The following NKAIN2 variants were observed in gnomAD, a reference collection of about 807,000 sequenced individuals.
NKAIN2 encodes sodium/potassium-transporting ATPase subunit beta-1-interacting protein 2.
Under a neutral mutation model 32.6 loss-of-function variants are expected in NKAIN2, and 14 were observed. That is an observed-to-expected ratio of 0.43 (90% CI 0.28 to 0.67). The LOEUF (loss-of-function observed/expected upper bound fraction) is 0.67. NKAIN2 is among the 30% of genes least tolerant of loss of function. The pLI, the probability that NKAIN2 is intolerant of heterozygous loss-of-function variation, is 0.17. For synonymous variants in NKAIN2, 80 were observed against 87.2 expected, an observed-to-expected ratio of 0.92 and a Z score of 0.46; for missense variants, 198 against 258.3, an observed-to-expected ratio of 0.77 and a Z score of 1.60.
rs1023668726 is a variant in NKAIN2, at chr6:124,407,258, A to G, written c.273+51911A>G. On this transcript the variant is annotated intron_variant, in intron 3 of 6. Transcript: ENST00000368417. ...TGTGCACAACATGCAGGTTTGTTAC[A>G]TATGTATACATGTGCCATGTTGGTG... Among the ~76,000 whole-genome samples, 3 of 152,098 alleles carry G rather than the reference A, an allele frequency of 2.0e-5. No individual in the cohort carries two copies. The South Asian group carries it at 6.2e-4, about 32-fold the overall frequency.
intron 1 of NKAIN2, among the ~76,000 whole-genome samples, chr6:124,076,348 G>C (rs1007888498): frequency 6.6e-6 from 1 of 152,202 alleles, no homozygotes; most frequent in African/African-American, 2.4e-5. Flanking sequence ...CTTGGCTTGA[G>C]AGAAACGGAA....
intron 1 of NKAIN2, among the ~76,000 whole-genome samples, chr6:124,142,310 A>T (rs772516256): frequency 2.0e-5 from 3 of 152,154 alleles, no homozygotes; most frequent in Non-Finnish European, 4.4e-5. Flanking sequence ...TCGACTCCAC[A>T]TTTTTGTTTT....
chr6:124,618,933 G>A (rs1783008157), intron 3 of NKAIN2, among the ~76,000 whole-genome samples: 1 of 151,758 alleles, frequency 6.6e-6, no homozygotes, highest in Non-Finnish European at 1.5e-5. Context: ...TCCTCTTCTG[G>A]GCCAGGTGTT....
chr6:123,875,623 A>C (rs1166846491), intron 1 of NKAIN2, among the ~76,000 whole-genome samples: 1 of 151,980 alleles, frequency 6.6e-6, no homozygotes, highest in Non-Finnish European at 1.5e-5. Flanking sequence ...CGTTATTGAT[A>C]TAGAGAGGTT....
rs190714923 is a variant in NKAIN2 at position 124,581,673 on chromosome 6, T to A, written c.274-76513T>A. ...TATCAGCTAACTTCTCTGACTACAG[T>A]AGAATAAAACTAGAAATCAACAACA... On this transcript the variant is annotated intron_variant, in intron 3 of 6. Transcript: ENST00000368417. Among the ~76,000 whole-genome samples, 245 of 152,156 alleles carry A rather than the reference T, an allele frequency of 1.6e-3. 1 individual carries two copies. The highest frequency in any genetic ancestry group is 2.9e-3 in the Non-Finnish European group (195 of 67,998).
At chr6:124,760,681 G>A (rs537859897) in intron 4 of NKAIN2, among the ~76,000 whole-genome samples, 8 of 152,006 alleles carry the variant, frequency 5.3e-5, no homozygotes, top group Admixed American at 4.6e-4. Flanking sequence ...GGTAAAGAAT[G>A]ATGTCTTAAA....
At chr6:124,634,362 C>A (rs1212747851) in intron 3 of NKAIN2, among the ~76,000 whole-genome samples, 1 of 152,004 alleles carries the variant, frequency 6.6e-6, no homozygotes, top group Non-Finnish European at 1.5e-5. Flanking sequence ...ATTAGGCAAG[C>A]AATTCATGAT....
rs1363036634 is a variant in NKAIN2 at position 124,121,962 on chromosome 6, T to A, written c.55-161043T>A. 6 of 1,008,192 alleles carry A rather than the reference T, an allele frequency of 6.0e-6. No individual in the cohort carries two copies. The Admixed American group carries it at 1.4e-4, about 24-fold the overall frequency. 62.5% of individuals were successfully genotyped at this position (1,008,192 alleles called of 1,614,324 possible). On this transcript the variant is annotated intron_variant, in intron 1 of 6. Coordinates refer to ENST00000368417, the MANE Select transcript of NKAIN2 (RefSeq NM_001040214.3). ...TAACCGTGAGTTTTTCAGAGTAATA[T>A]TTTTCCATTTGTGTCTACAGGGTAA...
intron 1 of NKAIN2, among the ~76,000 whole-genome samples, chr6:123,968,976 C>T (rs9372767): frequency 0.022 from 3,328 of 152,232 alleles, 78 homozygotes; most frequent in East Asian, 0.13. Flanking sequence ...TCCATTTCTA[C>T]TCTTCTGTAG....
intron 3 of NKAIN2, among the ~76,000 whole-genome samples, chr6:124,462,449 A>G (rs1776570329): frequency 6.6e-6 from 1 of 151,908 alleles, no homozygotes; most frequent in Non-Finnish European, 1.5e-5. Flanking sequence ...TTTTTCAAAT[A>G]CAAACCTCAC....
chr6:123,816,795 A>G (rs1266217725), intron 1 of NKAIN2, among the ~76,000 whole-genome samples: 1 of 152,184 alleles, frequency 6.6e-6, no homozygotes, highest in Non-Finnish European at 1.5e-5. Context: ...GTAAGAGACA[A>G]GAACAGAAGT....
At chr6:124,774,300 C>G (rs189644795) in intron 4 of NKAIN2, among the ~76,000 whole-genome samples, 10 of 152,138 alleles carry the variant, frequency 6.6e-5, no homozygotes, top group African/African-American at 2.4e-4. Context: ...GCAAATCTTA[C>G]AGTATTTTCT....
At chr6:123,911,040 G>A (rs777010943) in intron 1 of NKAIN2, among the ~76,000 whole-genome samples, 3 of 151,966 alleles carry the variant, frequency 2.0e-5, no homozygotes, top group Non-Finnish European at 4.4e-5. Context: ...ATATTCACCT[G>A]AAATGTTGAT....
At chr6:124,637,616 C>G (rs1783822950) in intron 3 of NKAIN2, among the ~76,000 whole-genome samples, 1 of 151,642 alleles carries the variant, frequency 6.6e-6, no homozygotes, top group South Asian at 2.1e-4. Flanking sequence ...TGTTTCTAAA[C>G]AACAAGAACA....
chr6:124,225,167 C>A (rs1792039991), intron 1 of NKAIN2, among the ~76,000 whole-genome samples: 1 of 151,968 alleles, frequency 6.6e-6, no homozygotes, highest in African/African-American at 2.4e-5. Context: ...AAAAATGTTT[C>A]TGTTTCTATG....
chr6:124,646,821 C>T (rs1784186917), intron 3 of NKAIN2, among the ~76,000 whole-genome samples: 1 of 152,106 alleles, frequency 6.6e-6, no homozygotes, highest in East Asian at 1.9e-4. Context: ...TGTGGTGGTG[C>T]ATGCCTGTAA....
chr6:124,459,226 T>C (rs1017742256), intron 3 of NKAIN2, among the ~76,000 whole-genome samples: 2 of 152,000 alleles, frequency 1.3e-5, no homozygotes, highest in East Asian at 3.9e-4. Context: ...TTGACTGGCT[T>C]ATAAAGTCCT....
chr6:124,601,630 A>G (rs1023133771), intron 3 of NKAIN2, among the ~76,000 whole-genome samples: 1 of 152,050 alleles, frequency 6.6e-6, no homozygotes, highest in African/African-American at 2.4e-5. Context: ...AGTGCCTTAT[A>G]TGATTAGGAA....
At chr6:124,288,437 C>T (rs554741779) in intron 2 of NKAIN2, among the ~76,000 whole-genome samples, 71 of 152,290 alleles carry the variant, frequency 4.7e-4, no homozygotes, top group African/African-American at 1.7e-3. Context: ...CTGCCTCTCC[C>T]ATATCAAGGA....
Sources: allele counts gnomAD v4.1 joint callset (sites outside exome capture counted in the v4.1 genomes callset), GRCh38; gene constraint gnomAD v4.1.1; transcripts MANE v1.5; gene names NCBI Gene and HGNC (gene_info 2026-07-23, HGNC 2026-07-21).